The following SLC2A13 variants were observed in gnomAD, a reference collection of about 807,000 sequenced individuals.
SLC2A13 encodes proton myo-inositol cotransporter.
Under a neutral mutation model 64.4 loss-of-function variants are expected in SLC2A13, and 32 were observed. The observed-to-expected ratio is 0.50, with a 90% CI of 0.37 to 0.67. The LOEUF (loss-of-function observed/expected upper bound fraction) is 0.67. SLC2A13 is among the 30% of genes least tolerant of loss of function. SLC2A13 has a pLI of 0.00. For synonymous variants in SLC2A13, 338 were observed against 327.1 expected, an observed-to-expected ratio of 1.03 and a Z score of -0.36; for missense variants, 743 against 829.2, an observed-to-expected ratio of 0.90 and a Z score of 1.28.
Position 39,781,660 on chromosome 12 carries a change from C to G in SLC2A13, c.1446-16802G>C, listed in dbSNP as rs559629657. Among the ~76,000 whole-genome samples, 5 of 152,258 alleles carry G rather than the reference C, an allele frequency of 3.3e-5. No individual in the cohort carries two copies. The East Asian group carries it at 9.6e-4, about 29-fold the overall frequency. ...TTGCTATGAATTTCCATATTATAGT[C>G]CAGAGCAACTTTGGAAGTTATATTT... On this transcript the variant is annotated intron_variant, in intron 7 of 9. Coordinates refer to ENST00000280871, the MANE Select transcript of SLC2A13 (RefSeq NM_052885.4).
chr12:39,762,328 C>CTT (rs1401884639), intron 9 of SLC2A13, among the ~76,000 whole-genome samples: 1 of 152,048 alleles, frequency 6.6e-6, no homozygotes, highest in Non-Finnish European at 1.5e-5. Context: ...TATTCCTCAC[C>CTT]TTTATTCTTC....
At chr12:39,762,125 T>TAGTA (rs1277158900) in intron 9 of SLC2A13, among the ~76,000 whole-genome samples, 2 of 152,150 alleles carry the variant, frequency 1.3e-5, no homozygotes, top group South Asian at 2.1e-4. Flanking sequence ...AACTGCCTAC[T>TAGTA]CAGTGTGGGT....
intron 4 of SLC2A13, among the ~76,000 whole-genome samples, chr12:39,896,645 A>T (rs915859494): frequency 4.6e-5 from 7 of 151,716 alleles, no homozygotes; most frequent in African/African-American, 1.2e-4. Context: ...CTTCTGGAAG[A>T]AAACAACACT....
At chr12:40,031,285 C>T (rs11174812) in intron 2 of SLC2A13, among the ~76,000 whole-genome samples, 54,004 of 151,810 alleles carry the variant, frequency 0.36, 9,951 homozygotes, top group African/African-American at 0.44. Flanking sequence ...TGTAGTGGCG[C>T]GATCTCGGCT....
At chr12:39,830,293 T>C in intron 6 of SLC2A13, 65 bp from the exon 7 acceptor site, 1 of 1,559,722 alleles carries the variant, frequency 6.4e-7, no homozygotes, top group Non-Finnish European at 8.7e-7. Flanking sequence ...TATACTGGAT[T>C]CCATGTGCTT....
intron 7 of SLC2A13, among the ~76,000 whole-genome samples, chr12:39,771,729 T>C (rs4238075): frequency 0.97 from 147,937 of 152,148 alleles, 71,922 homozygotes; most frequent in East Asian, 1. Flanking sequence ...CAAACTCATA[T>C]GCCACCAAGT....
intron 3 of SLC2A13, among the ~76,000 whole-genome samples, chr12:39,961,679 T>A (rs1373976383): frequency 4.0e-5 from 6 of 151,780 alleles, no homozygotes; most frequent in African/African-American, 1.2e-4. Flanking sequence ...AAAAAAAATT[T>A]TTTTTTTAGA....
chr12:39,862,242 C>A (rs1431772606), intron 6 of SLC2A13, among the ~76,000 whole-genome samples: 1 of 152,196 alleles, frequency 6.6e-6, no homozygotes, highest in Non-Finnish European at 1.5e-5. Context: ...TCTCTTGAAT[C>A]TCAAGTCATT....
At chr12:39,816,195 A>T (rs1440468349) in intron 7 of SLC2A13, among the ~76,000 whole-genome samples, 1 of 152,112 alleles carries the variant, frequency 6.6e-6, no homozygotes, top group Non-Finnish European at 1.5e-5. Flanking sequence ...GCTAGTTATG[A>T]TTCTCAAATT....
chr12:39,898,751 C>T (rs1468154370), intron 4 of SLC2A13, among the ~76,000 whole-genome samples: 1 of 152,150 alleles, frequency 6.6e-6, no homozygotes, highest in African/African-American at 2.4e-5. Flanking sequence ...GAACCAGAGT[C>T]ACCCACACTA....
rs372302246 is a variant in SLC2A13, at chr12:39,937,466, G to A, written c.1034+13791C>T. Among the ~76,000 whole-genome samples the A allele has an allele frequency of 3.9e-5, 6 of 152,278 alleles. No homozygotes were observed. In the East Asian group the frequency reaches 7.7e-4, roughly 20 times the overall value. ...TCAGATATATTGGGGACAAGGTTCT[G>A]CTTTATTGGCACAGAAAGTCTATTT... On this transcript the variant is annotated intron_variant, in intron 4 of 9. Coordinates refer to ENST00000280871, the MANE Select transcript of SLC2A13 (RefSeq NM_052885.4).
At chr12:40,019,982 C>G (rs901719030) in intron 3 of SLC2A13, among the ~76,000 whole-genome samples, 2 of 152,116 alleles carry the variant, frequency 1.3e-5, no homozygotes, top group South Asian at 2.1e-4. Flanking sequence ...CTGAAATGTG[C>G]ATCTAAAGCA....
intron 7 of SLC2A13, among the ~76,000 whole-genome samples, chr12:39,774,599 T>C (rs1940705158): frequency 6.6e-6 from 1 of 151,384 alleles, no homozygotes; most frequent in African/African-American, 2.4e-5. Context: ...TTTTTTTTTT[T>C]TGGTTTTGTA....
rs561368499 is a variant in SLC2A13 at position 39,850,894 on chromosome 12, C to G, written c.1319+13868G>C. Among the ~76,000 whole-genome samples, 10 of 151,748 alleles carry G rather than the reference C, an allele frequency of 6.6e-5. No homozygotes were observed. The South Asian group carries it at 2.1e-3, about 32-fold the overall frequency. On this transcript the variant is annotated intron_variant, in intron 6 of 9. Coordinates refer to ENST00000280871, the MANE Select transcript of SLC2A13 (RefSeq NM_052885.4). ...GGAAGAGCTGAATATTTAGGCCCCA[C>G]AAAGTTAATTTTTTTTTTTTTTTGA...
intron 6 of SLC2A13, among the ~76,000 whole-genome samples, chr12:39,842,662 T>A (rs1375370971): frequency 6.6e-6 from 1 of 152,076 alleles, no homozygotes; most frequent in Non-Finnish European, 1.5e-5. Flanking sequence ...ATTTTAACAA[T>A]GTTAAAGCTT....
chr12:39,825,825 A>G (rs1942653149), intron 7 of SLC2A13, among the ~76,000 whole-genome samples: 1 of 152,094 alleles, frequency 6.6e-6, no homozygotes, highest in Non-Finnish European at 1.5e-5. Flanking sequence ...TGCTAACTCT[A>G]CAGGCTTACT....
At chr12:39,875,729 T>C (rs752032151) in intron 4 of SLC2A13, among the ~76,000 whole-genome samples, 21 of 152,228 alleles carry the variant, frequency 1.4e-4, no homozygotes, top group Non-Finnish European at 2.1e-4. Flanking sequence ...GTCAGAACTA[T>C]TCACAAACTT....
chr12:40,092,768 C>T (rs1000268147), intron 1 of SLC2A13, among the ~76,000 whole-genome samples: 14 of 152,152 alleles, frequency 9.2e-5, no homozygotes, highest in Admixed American at 2.0e-4. Flanking sequence ...AGTTTGAAAA[C>T]TTGAGTCATC....
At chr12:39,977,101 G>A (rs1457385780) in intron 3 of SLC2A13, among the ~76,000 whole-genome samples, 19 of 152,194 alleles carry the variant, frequency 1.2e-4, no homozygotes, top group Admixed American at 9.8e-4. Flanking sequence ...GAGGGGTTTG[G>A]AAAGAGGAAG....
Sources: gnomAD v4.1 joint callset for allele counts (sites outside exome capture counted in the v4.1 genomes callset) on GRCh38, gnomAD v4.1.1 for gene constraint, MANE v1.5 for transcripts, NCBI Gene and HGNC (gene_info 2026-07-23, HGNC 2026-07-21) for gene names.